Variants in TMEM107 observed in about 807,000 individuals in gnomAD.
TMEM107 encodes transmembrane protein 107.
TMEM107 carries 18 observed loss-of-function variants against 16.8 expected under a neutral mutation model. The ratio of observed to expected loss-of-function variants is 1.07; its 90% confidence interval spans 0.74 to 1.59. The LOEUF (loss-of-function observed/expected upper bound fraction) is 1.59. TMEM107 is among the 40% of genes most tolerant of loss of function. The probability of loss-of-function intolerance (pLI) is 0.00; values close to 1 mark genes in which losing one functional copy is unlikely to be tolerated. For missense variants in TMEM107, 152 were observed against 175.4 expected, an observed-to-expected ratio of 0.87 and a Z score of 0.75; for synonymous variants, 68 against 71.6, an observed-to-expected ratio of 0.95 and a Z score of 0.25.
rs759772085 is a variant in TMEM107 at position 8,176,213 on chromosome 17, A to T, written c.74T>A (p.Leu25Ter). 1 of 1,614,070 alleles carries T rather than the reference A, an allele frequency of 6.2e-7. No individual in the cohort carries two copies. Among genetic ancestry groups the T allele is most frequent in the South Asian group, 1.1e-5 (1 of 91,082 alleles). Residue 25 changes from leucine (L) to a stop codon, truncating the protein, a stop_gained, in exon 1 of 5, where the codon TTA (leucine) becomes TAA (stop). Transcript: ENST00000437139. LOFTEE classifies it high-confidence loss of function. ...LLAHLVVVITLFWSRDSNIQA... is the reference protein window; with the variant it reads ...LLAHLVVVIT ...CGTGGGTCTTACCCGGGACCAGAAT[A>T]AGGTGATGACGACCACCAGATGCGC... is the stretch of plus-strand genomic sequence containing the variant.
At chr17:8,175,357 G>A (rs961109985) in intron 3 of TMEM107, 6 of 352,422 alleles carry the variant, frequency 1.7e-5, no homozygotes, top group African/African-American at 4.2e-5. Context: ...GTGAGCCATC[G>A]CGCCCTGCCT....
rs749197969 is a variant in TMEM107 at position 8,174,260 on chromosome 17, A to T, written c.366T>A (p.Ala122=). The T allele has an allele frequency of 6.2e-6, 10 of 1,614,160 alleles. No homozygotes were observed. Among genetic ancestry groups the T allele is most frequent in the Middle Eastern group, 3.3e-4 (2 of 6,062 alleles). ...TGACGAATAAAGCCATTTCAGTGAC[A>T]GCTGGAAGGGCACTACCAAGGCAAG... The part of the protein sequence containing the change: ...YIFVFCSALP[A]VTEMALFVTV... Residue 122 remains alanine (A), a synonymous_variant, in exon 5 of 5, where the codon GCT becomes GCA. Coordinates refer to ENST00000437139, the MANE Select transcript of TMEM107 (RefSeq NM_183065.4).
chr17:8,174,708 G>A, intron 3 of TMEM107, 92 bp from the exon 4 acceptor site: 4 of 1,091,884 alleles, frequency 3.7e-6, no homozygotes, highest in Non-Finnish European at 5.6e-6. Flanking sequence ...TCTGCATTCA[G>A]GTTCATCCCT....
chr17:8,176,090 G>A, intron 1 of TMEM107, 64 bp from the exon 2 acceptor site: 1 of 1,610,594 alleles, frequency 6.2e-7, no homozygotes, highest in Non-Finnish European at 8.5e-7. Context: ...CCTGGGGGCG[G>A]CGGGAAACAA....
In TMEM107 at chr17:8,174,477, C is replaced by T. The variant is rs1056976761; in HGVS notation, c.353+43G>A. 3.7e-5 allele frequency: 59 copies of T among 1,592,162 alleles called. 1 individual carries two copies. The highest frequency in any genetic ancestry group is 5.0e-5 in the Admixed American group (3 of 59,938). On this transcript the variant is annotated intron_variant, in intron 4 of 4. Coordinates refer to ENST00000437139, the MANE Select transcript of TMEM107 (RefSeq NM_183065.4). ...AGGGGAAAAACCTTCAGGTTTAGGG[C>T]CAACCTTCCTCCCTCATCCCCAAAT...
chr17:8,174,813 G>A (rs532040909), intron 3 of TMEM107, 197 bp from the exon 4 acceptor site: 2 of 590,836 alleles, frequency 3.4e-6, no homozygotes, highest in South Asian at 2.0e-5. Context: ...TGACTGCACA[G>A]ATCGGACCTC....
At position 8,173,570 on chromosome 17, in the gene TMEM107, G is replaced by C. The variant is rs374791151; in HGVS notation, c.*633C>G. The stretch of plus-strand genomic sequence containing the variant: ...GCCCTCCGGAGGAGGAACAGGTAAG[G>C]ATTATCCCACCTGACGATACAGACA... On this transcript the variant is annotated 3_prime_UTR_variant, in exon 5 of 5. Transcript: ENST00000437139. 47 of 764,744 alleles carry C rather than the reference G, an allele frequency of 6.1e-5. No homozygotes were observed. The highest frequency in any genetic ancestry group is 1.0e-4 in the Non-Finnish European group (42 of 417,748). The allele number at this position is 764,744 out of a possible 1,614,324, so 47.4% of individuals were successfully genotyped here.
At chr17:8,176,075 G>A (rs1158440888) in intron 1 of TMEM107, 49 bp from the exon 2 acceptor site, 2 of 1,612,374 alleles carry the variant, frequency 1.2e-6, no homozygotes, top group Non-Finnish European at 1.7e-6. Flanking sequence ...AGGCTGCAGG[G>A]CAGGCCTGGG....
rs1598274340 is a variant in TMEM107, at chr17:8,173,684, T to C, written c.*519A>G. ...CGCTGGTATGAGCAATCCTATTATT[T>C]AGCGTCCTTCCAGTTGTTTTGCCAT... On this transcript the variant is annotated 3_prime_UTR_variant, in exon 5 of 5. Transcript: ENST00000437139. The C allele has an allele frequency of 1.6e-6, 1 of 637,970 alleles. No homozygotes were observed. Among genetic ancestry groups the C allele is most frequent in the South Asian group, 1.8e-5 (1 of 54,630 alleles). The allele number at this position is 637,970 out of a possible 1,614,324, so 39.5% of individuals were successfully genotyped here. A position where few individuals can be genotyped will look rare whatever the true frequency, so the allele number is the denominator to read the frequency against.
rs367792754 is a variant in TMEM107 at position 8,173,640 on chromosome 17, C to G, written c.*563G>C. 14 of 737,996 alleles carry G rather than the reference C, an allele frequency of 1.9e-5. No homozygotes were observed. Among genetic ancestry groups the G allele is most frequent in the African/African-American group, 8.5e-5 (5 of 58,686 alleles). The allele number at this position is 737,996 out of a possible 1,614,324, so 45.7% of individuals were successfully genotyped here. A position where few individuals can be genotyped will look rare whatever the true frequency, so the allele number is the denominator to read the frequency against. On this transcript the variant is annotated 3_prime_UTR_variant, in exon 5 of 5. Transcript: ENST00000437139. ...TCAGTGAAAAAGATTCCGTTACAAG[C>G]TAGGGTGAGTTCATAACGCGCTGGT...
At position 8,173,544 on chromosome 17, in the gene TMEM107, T is replaced by A. The variant is rs143605147; in HGVS notation, c.*659A>T. 1 of 765,382 alleles carries A rather than the reference T, an allele frequency of 1.3e-6. No homozygotes were observed. The highest frequency in any genetic ancestry group is 2.4e-6 in the Non-Finnish European group (1 of 417,996). The allele number at this position is 765,382 out of a possible 1,614,324, so 47.4% of individuals were successfully genotyped here. A position where few individuals can be genotyped will look rare whatever the true frequency, so the allele number is the denominator to read the frequency against. ...CATCTCCAATCATCATGTTCTAATCTGCCCTCCGGAGGAGGAACAGGTAAG... is the reference window on the plus strand; with the variant it reads ...CATCTCCAATCATCATGTTCTAATCAGCCCTCCGGAGGAGGAACAGGTAAG... On this transcript the variant is annotated 3_prime_UTR_variant, in exon 5 of 5. Transcript: ENST00000437139.
Position 8,173,578 on chromosome 17 carries a change from C to T in TMEM107, c.*625G>A, listed in dbSNP as rs116705206. ...GAGGAGGAACAGGTAAGGATTATCC[C>T]ACCTGACGATACAGACAAACAGCCG... On this transcript the variant is annotated 3_prime_UTR_variant, in exon 5 of 5. Coordinates refer to ENST00000437139, the MANE Select transcript of TMEM107 (RefSeq NM_183065.4). 1.9e-3 allele frequency: 1,429 copies of T among 764,528 alleles called. 17 individuals are homozygous for T. The highest frequency in any genetic ancestry group is 0.018 in the African/African-American group (1,083 of 59,198). The allele number at this position is 764,528 out of a possible 1,614,324, so 47.4% of individuals were successfully genotyped here.
chr17:8,173,424 T>TA lies in TMEM107; in HGVS notation c.*778dup, dbSNP rs1567549556. 2 of 757,080 alleles carry TA rather than the reference T, an allele frequency of 2.6e-6. No homozygotes were observed. Among genetic ancestry groups the TA allele is most frequent in the South Asian group, 1.4e-5 (1 of 74,006 alleles). 46.9% of individuals were successfully genotyped at this position (757,080 alleles called of 1,614,324 possible). A position where few individuals can be genotyped will look rare whatever the true frequency, so the allele number is the denominator to read the frequency against. On this transcript the variant is annotated 3_prime_UTR_variant, in exon 5 of 5. Coordinates refer to ENST00000437139, the MANE Select transcript of TMEM107 (RefSeq NM_183065.4). Reference sequence around the variant, plus strand: ...GTTTGTGGATATCTGCTAATCAGCATAACACAAATGTAAGTGATCGTCAGA... The same window carrying TA: ...GTTTGTGGATATCTGCTAATCAGCATAAACACAAATGTAAGTGATCGTCAGA...
chr17:8,174,409 T>C, intron 4 of TMEM107, 111 bp downstream of exon 4: 2 of 1,317,024 alleles, frequency 1.5e-6, no homozygotes, highest in South Asian at 1.2e-5. Context: ...CTACAGGATG[T>C]TGAGTGGATC....
chr17:8,174,408 G>T (rs867880869), intron 4 of TMEM107, 112 bp downstream of exon 4: 1 of 1,313,574 alleles, frequency 7.6e-7, no homozygotes, highest in Non-Finnish European at 1.1e-6. Context: ...CCTACAGGAT[G>T]TTGAGTGGAT....
chr17:8,174,256 T>C lies in TMEM107; in HGVS notation c.370A>G (p.Thr124Ala). Reference sequence around the variant, plus strand: ...ACGGTGACGAATAAAGCCATTTCAGTGACAGCTGGAAGGGCACTACCAAGG... The same window carrying C: ...ACGGTGACGAATAAAGCCATTTCAGCGACAGCTGGAAGGGCACTACCAAGG... Reference protein sequence around the residue: ...FVFCSALPAVTEMALFVTVFG... With the variant: ...FVFCSALPAVAEMALFVTVFG... The change falls in exon 5 of 5, where the codon ACT (threonine) becomes GCT (alanine). Residue 124 changes from threonine to alanine, a missense_variant. Physicochemically the swap from Thr to Ala is moderately conservative, Grantham distance 58 (BLOSUM62 0). Coordinates refer to ENST00000437139, the MANE Select transcript of TMEM107 (RefSeq NM_183065.4). 6.2e-7 allele frequency: 1 copy of C among 1,614,130 alleles called. No homozygotes were observed. The highest frequency in any genetic ancestry group is 8.5e-7 in the Non-Finnish European group (1 of 1,179,972).
At position 8,176,278 on chromosome 17, in the gene TMEM107, C is replaced by T. The variant is rs1407710095; in HGVS notation, c.9G>A (p.Arg3=). MG[R]VSGLVPSRFL... ...AGCGAGAGGGCACAAGCCCTGAGAC[C>T]CGGCCCATGGCCCTCGGGGACAAGG... Residue 3 remains arginine (R), a synonymous_variant, in exon 1 of 5, where the codon CGG becomes CGA. Coordinates refer to ENST00000437139, the MANE Select transcript of TMEM107 (RefSeq NM_183065.4). The T allele has an allele frequency of 6.2e-7, 1 of 1,613,780 alleles. No homozygotes were observed. The highest frequency in any genetic ancestry group is 8.5e-7 in the Non-Finnish European group (1 of 1,179,878).
rs1187387180 is a variant in TMEM107, at chr17:8,173,243, T to C, written c.*960A>G. 2.8e-5 allele frequency: 14 copies of C among 500,384 alleles called. 1 individual carries two copies. The highest frequency in any genetic ancestry group is 5.2e-5 in the South Asian group (2 of 38,540). The allele number at this position is 500,384 out of a possible 1,614,324, so 31.0% of individuals were successfully genotyped here. On this transcript the variant is annotated 3_prime_UTR_variant, in exon 5 of 5. Transcript: ENST00000437139. ...ACAAAAAACAAAGAGCCCATTTGTA[T>C]TATTTCACTGCCTAAATTCCAGAAA...
At position 8,173,313 on chromosome 17, in the gene TMEM107, C is replaced by T. The variant is rs141228058; in HGVS notation, c.*890G>A. On this transcript the variant is annotated 3_prime_UTR_variant, in exon 5 of 5. Coordinates refer to ENST00000437139, the MANE Select transcript of TMEM107 (RefSeq NM_183065.4). The stretch of plus-strand genomic sequence containing the variant: ...AATTTTCAAGAACAAACAAATTTAG[C>T]AAGACTGCAAAATAGACAAACAGCA... 440 of 534,028 alleles carry T rather than the reference C, an allele frequency of 8.2e-4. 3 individuals carry two copies. The highest frequency in any genetic ancestry group is 7.3e-3 in the African/African-American group (381 of 52,154). 33.1% of individuals were successfully genotyped at this position (534,028 alleles called of 1,614,324 possible). A position where few individuals can be genotyped will look rare whatever the true frequency, so the allele number is the denominator to read the frequency against.
Sources: gnomAD v4.1 joint callset for allele counts on GRCh38, gnomAD v4.1.1 for gene constraint, MANE v1.5 for transcripts, NCBI Gene and HGNC (gene_info 2026-07-23, HGNC 2026-07-21) for gene names.